ZNF536: variants seen among roughly 807,000 people sequenced by gnomAD.
ZNF536 encodes the protein zinc finger protein 536.
ZNF536 carries 13 observed loss-of-function variants against 84.5 expected under a neutral mutation model. The observed-to-expected ratio is 0.15, with a 90% CI of 0.10 to 0.24. ZNF536 has a LOEUF of 0.24. Among genes scored for constraint, ZNF536 ranks in the 10% least tolerant of loss-of-function variants. ZNF536 has a pLI of 1.00. For synonymous variants in ZNF536, 811 were observed against 742.5 expected (o/e 1.09, Z -1.50); for missense variants, 1,536 against 1,747.5 (o/e 0.88, Z 2.16).
intron 1 of ZNF536, among the ~76,000 whole-genome samples, chr19:30,280,742 T>C (rs1173088435): frequency 6.6e-6 from 1 of 152,128 alleles, no homozygotes; most frequent in Admixed American, 6.5e-5. Context: ...TCAGAGCCCA[T>C]GGGTCTGAGT....
chr19:30,368,139 G>A (rs78245749), upstream of ZNF536, among the ~76,000 whole-genome samples: 5,044 of 152,190 alleles, frequency 0.033, 200 homozygotes, highest in African/African-American at 0.093. Context: ...CAAGGAAGAA[G>A]CATATACTCC....
At chr19:30,371,532 C>T (rs2048610566), upstream of ZNF536, among the ~76,000 whole-genome samples, 1 of 151,214 alleles carries the variant, frequency 6.6e-6, no homozygotes. Context: ...CACACCATAG[C>T]AGCAAAATGT....
chr19:30,353,618 T>G (rs1463506811), intron 3 of ZNF536, among the ~76,000 whole-genome samples: 1 of 152,172 alleles, frequency 6.6e-6, no homozygotes, highest in Non-Finnish European at 1.5e-5. Context: ...GCTTCCAGAC[T>G]GAGCTGTTTG....
chr19:30,487,644 G>A (rs2054352714), intron 2 of ZNF536, among the ~76,000 whole-genome samples: 1 of 152,126 alleles, frequency 6.6e-6, no homozygotes, highest in East Asian at 1.9e-4. Context: ...CAACCCCCTG[G>A]TGCATGTTAA....
intron 1 of ZNF536, among the ~76,000 whole-genome samples, chr19:30,593,062 A>G (rs1250095485): frequency 6.6e-6 from 1 of 152,254 alleles, no homozygotes; most frequent in African/African-American, 2.4e-5. Context: ...AAACGCTGTC[A>G]GGTATTTATA....
intron 1 of ZNF536, among the ~76,000 whole-genome samples, chr19:30,421,382 AT>A (rs999447211): frequency 2.0e-5 from 3 of 151,700 alleles, no homozygotes; most frequent in East Asian, 1.9e-4. Context: ...GGGCGACTTC[AT>A]TTTTTTTAAA....
intron 1 of ZNF536, among the ~76,000 whole-genome samples, chr19:30,392,170 A>G (rs993739666): frequency 2.6e-5 from 4 of 151,852 alleles, no homozygotes; most frequent in Non-Finnish European, 5.9e-5. Flanking sequence ...TCTCAGCCAC[A>G]CCCTTTCCCT....
intron 1 of ZNF536, among the ~76,000 whole-genome samples, chr19:30,642,311 C>T (rs1049913432): frequency 1.3e-5 from 2 of 152,092 alleles, no homozygotes; most frequent in Non-Finnish European, 2.9e-5. Flanking sequence ...ACTTGGAGGA[C>T]ACTTGGGGCC....
intron 2 of ZNF536, among the ~76,000 whole-genome samples, chr19:30,533,012 T>A (rs776365056): frequency 6.6e-6 from 1 of 152,102 alleles, no homozygotes; most frequent in Non-Finnish European, 1.5e-5. Context: ...TTCCTACTTG[T>A]GCAAAATTAT....
chr19:30,360,461 T>C (rs2048238802), intron 3 of ZNF536, among the ~76,000 whole-genome samples: 1 of 152,248 alleles, frequency 6.6e-6, no homozygotes, highest in African/African-American at 2.4e-5. Flanking sequence ...TATAAAATTG[T>C]TTTTTGTTGC....
intron 2 of ZNF536, among the ~76,000 whole-genome samples, chr19:30,504,306 C>T (rs2055070161): frequency 7.0e-6 from 1 of 142,232 alleles, no homozygotes; most frequent in Non-Finnish European, 1.5e-5. Context: ...TTCCTTCCTT[C>T]CTCCCTCCCA....
intron 2 of ZNF536, among the ~76,000 whole-genome samples, chr19:30,455,790 C>T (rs75881064): frequency 1.3e-5 from 2 of 152,162 alleles, no homozygotes; most frequent in Non-Finnish European, 2.9e-5. Context: ...TGTTAACTCT[C>T]GTCACCCTAC....
chr19:30,514,483 G>C (rs2055551719), intron 2 of ZNF536, among the ~76,000 whole-genome samples: 1 of 152,076 alleles, frequency 6.6e-6, no homozygotes, highest in Non-Finnish European at 1.5e-5. Flanking sequence ...GAGAAATGGT[G>C]TGACTGTGTT....
At position 30,443,893 on chromosome 19, in the gene ZNF536, C is replaced by T. The variant is rs1878296089; in HGVS notation, c.331C>T (p.Leu111=). The T allele has an allele frequency of 7.4e-6, 12 of 1,613,674 alleles. No homozygotes were observed. Among genetic ancestry groups the T allele is most frequent in the Non-Finnish European group, 9.3e-6 (11 of 1,180,026 alleles). Residue 111 remains leucine, a synonymous_variant, in exon 2 of 5, where the codon CTG becomes TTG. Transcript: ENST00000355537. The part of the protein sequence containing the change: ...DLQQFLNGQN[L]GIMSQMSDIE... ...GCAGCAGTTCCTCAACGGGCAGAACCTGGGCATCATGTCCCAGATGAGCGA... is the reference window on the plus strand; with the variant it reads ...GCAGCAGTTCCTCAACGGGCAGAACTTGGGCATCATGTCCCAGATGAGCGA...
At chr19:30,271,350 A>T (rs1599988027) in intron 1 of ZNF536, among the ~76,000 whole-genome samples, 1 of 103,604 alleles carries the variant, frequency 9.7e-6, no homozygotes, top group Admixed American at 1.3e-4. Flanking sequence ...TGAGGGACTT[A>T]TCATTTTGGC....
chr19:30,686,334 GA>G (rs543364694), intron 1 of ZNF536, among the ~76,000 whole-genome samples: 2 of 151,126 alleles, frequency 1.3e-5, no homozygotes, highest in African/African-American at 2.4e-5. Flanking sequence ...GGCAGTGAAA[GA>G]AAAAAAATGA....
Position 30,445,484 on chromosome 19 carries a change from G to A in ZNF536, c.1922G>A (p.Arg641His), listed in dbSNP as rs756128270. 1.2e-6 allele frequency: 2 copies of A among 1,614,078 alleles called. No homozygotes were observed. Among genetic ancestry groups the A allele is most frequent in the Non-Finnish European group, 1.7e-6 (2 of 1,180,032 alleles). Residue 641 changes from arginine to histidine, a missense_variant, in exon 2 of 5, where the codon CGC (arginine) becomes CAC (histidine). By Grantham distance (29) the Arg-to-His change is conservative. Around this residue, in one of 8 missense-constraint regions of ZNF536, gnomAD observed 366 missense variants for 364.4 expected, o/e 1.00. Transcript: ENST00000355537. This position sits in a 1 kb window ranked among gnomAD's most constrained non-coding sequence, Gnocchi z 4.5. ...TGCCCCGACTGCGGCCGGGTGTTCC[G>A]CACTTACCACCAGGTGGTCGTGCAC... The part of the protein sequence containing the change: ...TECPDCGRVF[R>H]TYHQVVVHSR...
chr19:30,711,621 C>T (rs902217918), exon 2 of ZNF536: 4 of 152,174 alleles, frequency 2.6e-5, no homozygotes, highest in African/African-American at 9.7e-5. Context: ...GGATTGAGAT[C>T]TTAAATGCGC....
chr19:30,697,275 G>A (rs1031664123), intron 1 of ZNF536, among the ~76,000 whole-genome samples: 2 of 152,092 alleles, frequency 1.3e-5, no homozygotes, highest in Non-Finnish European at 2.9e-5. Flanking sequence ...CCTAGGGATC[G>A]CAATTCAAGT....
Sources: gnomAD v4.1 joint callset for allele counts (sites outside exome capture counted in the v4.1 genomes callset) on GRCh38, gnomAD v4.1.1 for gene constraint, gnomAD v4.1.1 regional missense constraint, Gnocchi (gnomAD v3.1) non-coding constraint, MANE v1.5 for transcripts, NCBI Gene and HGNC (gene_info 2026-07-23, HGNC 2026-07-21) for gene names.